Variants in AFF4 observed in about 807,000 individuals in gnomAD.
AFF4 encodes AF4/FMR2 family member 4.
Under a neutral mutation model 124.8 loss-of-function variants are expected in AFF4, and 13 were observed. The observed-to-expected ratio is 0.10, with a 90% confidence interval of 0.07 to 0.17. The LOEUF (loss-of-function observed/expected upper bound fraction) is 0.17, where lower values mean the gene tolerates loss of function less well. Among genes scored for constraint, AFF4 ranks in the 10% least tolerant of loss-of-function variants. AFF4 has a pLI of 1.00. For missense variants in AFF4, 1,092 were observed against 1,403.8 expected (o/e 0.78, Z 3.55); for synonymous variants, 477 against 496.1 (o/e 0.96, Z 0.51).
intron 5 of AFF4, among the ~76,000 whole-genome samples, chr5:132,923,403 CAAGG>C (rs1179833455): frequency 4.7e-5 from 7 of 150,094 alleles, no homozygotes; most frequent in African/African-American, 1.7e-4. Flanking sequence ...AGAGAGAAAG[CAAGG>C]AAGGAAGGAG....
chr5:132,961,867 AG>A (rs1762088623), intron 1 of AFF4, among the ~76,000 whole-genome samples: 1 of 152,244 alleles, frequency 6.6e-6, no homozygotes, highest in African/African-American at 2.4e-5. Context: ...TAATAAAAAA[AG>A]AAAAATTTGA....
intron 13 of AFF4, 49 bp downstream of exon 13, chr5:132,892,115 C>T (rs1256979533): frequency 1.2e-6 from 2 of 1,613,896 alleles, no homozygotes; most frequent in Non-Finnish European, 1.7e-6. Flanking sequence ...GGAAAAGTCA[C>T]ATGGCAAGTT....
At chr5:132,950,376 G>C (rs991994517) in intron 1 of AFF4, among the ~76,000 whole-genome samples, 3 of 152,266 alleles carry the variant, frequency 2.0e-5, no homozygotes, top group African/African-American at 7.2e-5. Context: ...CTGGGAGGCT[G>C]AGGCAGGAGA....
intron 11 of AFF4, among the ~76,000 whole-genome samples, chr5:132,894,078 G>A (rs1241033241): frequency 6.6e-6 from 1 of 152,176 alleles, no homozygotes; most frequent in African/African-American, 2.4e-5. Context: ...CATTCATCAG[G>A]TGATGGCCAT....
intron 11 of AFF4, among the ~76,000 whole-genome samples, chr5:132,894,469 A>G (rs1561483400): frequency 2.0e-5 from 3 of 152,216 alleles, no homozygotes; most frequent in East Asian, 1.9e-4. Context: ...TTTGCTTCAA[A>G]TATCAGGGCA....
intron 5 of AFF4, among the ~76,000 whole-genome samples, chr5:132,920,216 A>G (rs959435092): frequency 6.6e-6 from 1 of 151,738 alleles, no homozygotes; most frequent in African/African-American, 2.4e-5. Context: ...TGTCTGGCTA[A>G]TTTTTATATT....
intron 13 of AFF4, among the ~76,000 whole-genome samples, chr5:132,890,148 C>A (rs35877973): frequency 0.64 from 96,312 of 150,784 alleles, 31,253 homozygotes; most frequent in South Asian, 0.78. Context: ...CTATTTACCC[C>A]ATATAAAATT....
At chr5:132,932,143 A>G (rs965781856) in intron 4 of AFF4, 35 bp downstream of exon 4, 6 of 1,528,182 alleles carry the variant, frequency 3.9e-6, no homozygotes, top group Non-Finnish European at 5.3e-6. Flanking sequence ...ATAAAAAATT[A>G]AAGAAATTGA....
chr5:132,909,285 T>C (rs1051435999), intron 5 of AFF4, among the ~76,000 whole-genome samples: 4 of 151,036 alleles, frequency 2.6e-5, no homozygotes, highest in Middle Eastern at 3.5e-3. Context: ...GCTGGGATTA[T>C]AGGCGCATGC....
intron 1 of AFF4, among the ~76,000 whole-genome samples, chr5:132,960,015 A>G (rs1762048197): frequency 6.6e-6 from 1 of 152,038 alleles, no homozygotes; most frequent in South Asian, 2.1e-4. Context: ...TCAGCCTCCC[A>G]AAGTGCTGGG....
Position 132,898,291 on chromosome 5 carries a change from T to A in AFF4, c.1328A>T (p.Glu443Val). 6.2e-7 allele frequency: 1 copy of A among 1,614,200 alleles called. No individual in the cohort carries two copies. Among genetic ancestry groups the A allele is most frequent in the Non-Finnish European group, 8.5e-7 (1 of 1,180,030 alleles). The change falls in exon 10 of 21, where the codon GAG becomes GTG. Residue 443 changes from glutamate (E) to valine (V), a missense_variant. Glu to Val is a moderately radical substitution (Grantham distance 121). Coordinates refer to ENST00000265343, the MANE Select transcript of AFF4 (RefSeq NM_014423.4). The part of the protein sequence containing the change: ...GSESSSGSDS[E>V]SESSSSDSEA... ...ACTGTCACTGGAACTACTTTCACTC[T>A]CTGAGTCAGATCCAGAGCTGCTTTC...
At chr5:132,885,380 G>C (rs909911539) in intron 18 of AFF4, among the ~76,000 whole-genome samples, 2 of 147,366 alleles carry the variant, frequency 1.4e-5, no homozygotes, top group Admixed American at 1.4e-4. Flanking sequence ...AAAGGGAAGG[G>C]GGATACATCC....
chr5:132,912,996 T>C (rs1445108087), intron 5 of AFF4, among the ~76,000 whole-genome samples: 1 of 151,978 alleles, frequency 6.6e-6, no homozygotes, highest in African/African-American at 2.4e-5. Context: ...AAGAGCAGAG[T>C]GTCAGATTAT....
At chr5:132,900,673 T>A (rs757829915) in intron 7 of AFF4, among the ~76,000 whole-genome samples, 6 of 152,242 alleles carry the variant, frequency 3.9e-5, no homozygotes, top group Non-Finnish European at 7.3e-5. Context: ...GTTTCTGGAA[T>A]TTGTTTTTGA....
intron 1 of AFF4, 142 bp from the exon 2 acceptor site, chr5:132,937,335 GT>G (rs1761455546): frequency 1.9e-6 from 2 of 1,038,742 alleles, no homozygotes; most frequent in Non-Finnish European, 1.3e-6. Flanking sequence ...CTGAAGCTGG[GT>G]TTTGGTAATG....
chr5:132,885,919 G>A lies in AFF4; in HGVS notation c.3099+391C>T, dbSNP rs142476631. On this transcript the variant is annotated intron_variant, in intron 18 of 20. Coordinates refer to ENST00000265343, the MANE Select transcript of AFF4 (RefSeq NM_014423.4). ...CTCCCAAGTAGCTGGGACTACAGGCGTGTGGCACCATGCCTGGCTAATTTT... is the reference window on the plus strand; with the variant it reads ...CTCCCAAGTAGCTGGGACTACAGGCATGTGGCACCATGCCTGGCTAATTTT... Among the ~76,000 whole-genome samples, 541 of 152,110 alleles carry A rather than the reference G, an allele frequency of 3.6e-3. 3 individuals carry two copies. The highest frequency in any genetic ancestry group is 0.012 in the African/African-American group (510 of 41,490).
rs538795000 is a variant in AFF4, at chr5:132,877,647, A to C, written c.*3412T>G. 2.7e-4 allele frequency: 56 copies of C among 211,316 alleles called. No individual in the cohort carries two copies. Among genetic ancestry groups the C allele is most frequent in the African/African-American group, 9.9e-4 (44 of 44,268 alleles). The allele number at this position is 211,316 out of a possible 1,614,324, so 13.1% of individuals were successfully genotyped here. ...ATAACTAGGCATCACTGACTGGAAC[A>C]ATCACTGGCTGCTCTGAAACTCCAG... is the stretch of plus-strand genomic sequence containing the variant. On this transcript the variant is annotated 3_prime_UTR_variant, in exon 21 of 21. Transcript: ENST00000265343.
chr5:132,891,801 T>TA (rs1491323757), intron 13 of AFF4: 32 of 50,790 alleles, frequency 6.3e-4, no homozygotes, highest in Admixed American at 2.2e-3. Context: ...GGTTTCTATC[T>TA]TTTTTTTTTT....
intron 4 of AFF4, among the ~76,000 whole-genome samples, chr5:132,930,409 T>C (rs1033242299): frequency 1.3e-5 from 2 of 152,088 alleles, no homozygotes; most frequent in Non-Finnish European, 2.9e-5. Context: ...AGAAGAATGT[T>C]TGCAGAAGGA....
Sources: gnomAD v4.1 joint callset for allele counts (sites outside exome capture counted in the v4.1 genomes callset) on GRCh38, gnomAD v4.1.1 for gene constraint, MANE v1.5 for transcripts, NCBI Gene and HGNC (gene_info 2026-07-23, HGNC 2026-07-21) for gene names.